Variants in ANO1 observed in about 807,000 individuals in gnomAD.
The protein encoded by ANO1 is anoctamin 1, also known as anoctamin-1.
In ANO1, 59 loss-of-function variants were observed where a neutral mutation model predicts 124.0. The observed-to-expected ratio is 0.48, with a 90% CI of 0.39 to 0.59. The LOEUF is 0.59. ANO1 is among the 20% of genes least tolerant of loss of function. The pLI, the probability that ANO1 is intolerant of heterozygous loss-of-function variation, is 0.00. For synonymous variants in ANO1, 529 were observed against 532.0 expected (o/e 0.99, Z 0.08); for missense variants, 1,059 against 1,328.0 (o/e 0.80, Z 3.15).
chr11:70,143,211 A>C (rs1401844887), intron 11 of ANO1, among the ~76,000 whole-genome samples: 1 of 152,012 alleles, frequency 6.6e-6, no homozygotes, highest in Admixed American at 6.5e-5. Flanking sequence ...CACTGGGGAG[A>C]TGGGGCTGTC....
chr11:70,133,839 G>A (rs554926955), intron 11 of ANO1, among the ~76,000 whole-genome samples: 73 of 152,332 alleles, frequency 4.8e-4, no homozygotes, highest in Non-Finnish European at 9.6e-4. Context: ...ATCAGGTGAG[G>A]TGAGGGAGGG....
chr11:70,186,251 C>T (rs1440157089), intron 25 of ANO1, among the ~76,000 whole-genome samples: 2 of 151,564 alleles, frequency 1.3e-5, no homozygotes, highest in African/African-American at 2.4e-5. Flanking sequence ...CGTGCCACTA[C>T]ACTCCAGCTT....
chr11:70,103,857 C>T, intron 3 of ANO1, 142 bp from the exon 4 acceptor site: 5 of 837,134 alleles, frequency 6.0e-6, no homozygotes, highest in Non-Finnish European at 7.1e-6. Context: ...TGGGGCGGTG[C>T]ATTCTGGCCC....
At chr11:70,097,670 G>A (rs2045056691) in intron 2 of ANO1, among the ~76,000 whole-genome samples, 1 of 152,198 alleles carries the variant, frequency 6.6e-6, no homozygotes, top group African/African-American at 2.4e-5. Context: ...TTACTGAAGT[G>A]GACACATCCA....
chr11:70,000,803 T>C (rs189208089), intron 1 of ANO1, among the ~76,000 whole-genome samples: 47 of 152,118 alleles, frequency 3.1e-4, no homozygotes, highest in African/African-American at 1.1e-3. Context: ...CACGCTCCCT[T>C]CCCACCATGT....
At chr11:70,037,976 G>A (rs1565166415) in intron 1 of ANO1, among the ~76,000 whole-genome samples, 2 of 152,194 alleles carry the variant, frequency 1.3e-5, no homozygotes, top group Non-Finnish European at 2.9e-5. Flanking sequence ...AAAGGTGAGT[G>A]AGCATGAGGA....
intron 1 of ANO1, among the ~76,000 whole-genome samples, chr11:70,007,443 AT>A (rs2120353915): frequency 6.6e-6 from 1 of 151,924 alleles, no homozygotes; most frequent in African/African-American, 2.4e-5. Context: ...CAACTGGCTA[AT>A]TTTTAGTATT....
In ANO1 at chr11:70,132,068, T is replaced by C. The variant is rs779694987; in HGVS notation, c.1247T>C (p.Met416Thr). ...NPATVFFSVFMALWAATFMEH... is the reference protein window; with the variant it reads ...NPATVFFSVFTALWAATFMEH... ...GCCACGGTCTTCTTCTCTGTCTTCA[T>C]GGCCCTCTGGGGTAAGCAGGGCTCC... The change falls in exon 11 of 26, where the codon ATG becomes ACG. Residue 416 changes from methionine to threonine, a missense_variant. By Grantham distance (81) the Met-to-Thr change is moderately conservative. This residue lies in a region of ANO1 where 809 missense variants were observed against 1,094.9 expected (regional missense o/e 0.74). Transcript: ENST00000355303. 3 of 1,594,590 alleles carry C rather than the reference T, an allele frequency of 1.9e-6. No individual in the cohort carries two copies. Among genetic ancestry groups the C allele is most frequent in the South Asian group, 1.1e-5 (1 of 88,542 alleles).
intron 1 of ANO1, among the ~76,000 whole-genome samples, chr11:69,993,852 C>T (rs889984383): frequency 2.1e-4 from 32 of 152,234 alleles, no homozygotes; most frequent in Admixed American, 2.0e-3. Flanking sequence ...GCCTCACTGG[C>T]CTTCCTATAG....
chr11:70,157,620 C>T (rs867118771), intron 16 of ANO1, among the ~76,000 whole-genome samples: 3 of 152,106 alleles, frequency 2.0e-5, no homozygotes, highest in African/African-American at 7.2e-5. Context: ...TTGAGAGACA[C>T]AATTATTTGA....
At chr11:70,158,641 C>T (rs1170837031) in intron 16 of ANO1, among the ~76,000 whole-genome samples, 6 of 152,206 alleles carry the variant, frequency 3.9e-5, no homozygotes, top group East Asian at 1.9e-4. Context: ...GAGACAGAGG[C>T]GGGGGGCTGT....
At position 70,167,246 on chromosome 11, in the gene ANO1, A is replaced by G; in HGVS notation, c.2056A>G (p.Met686Val). The G allele has an allele frequency of 6.2e-7, 1 of 1,613,958 alleles. No individual in the cohort carries two copies. The highest frequency in any genetic ancestry group is 2.2e-5 in the East Asian group (1 of 44,888). Reference protein sequence around the residue: ...NNLFEIGIPKMKKLIRYLKLK... With the variant: ...NNLFEIGIPKVKKLIRYLKLK... The stretch of plus-strand genomic sequence containing the variant: ...GCATGATGTCTCATCTCTCAGGAAG[A>G]TGAAGAAGCTCATCCGCTACCTGAA... The change falls in exon 21 of 26, where the codon ATG (methionine) becomes GTG (valine). Residue 686 changes from methionine to valine, a missense_variant. By Grantham distance (21) the Met-to-Val change is conservative (BLOSUM62 1). Coordinates refer to ENST00000355303, the MANE Select transcript of ANO1 (RefSeq NM_018043.7).
chr11:69,989,725 C>A (rs1048692034), intron 1 of ANO1, among the ~76,000 whole-genome samples: 2 of 152,092 alleles, frequency 1.3e-5, no homozygotes, highest in Non-Finnish European at 2.9e-5. Context: ...GGGGCAGAAG[C>A]CTGCTCAGAG....
intron 1 of ANO1, among the ~76,000 whole-genome samples, chr11:69,986,443 C>G (rs982511292): frequency 1.6e-4 from 24 of 152,098 alleles, no homozygotes; most frequent in African/African-American, 5.5e-4. Flanking sequence ...GCTGGGGGCG[C>G]CGCCGGGCAG....
intron 20 of ANO1, among the ~76,000 whole-genome samples, chr11:70,166,609 T>G (rs1044675903): frequency 6.6e-6 from 1 of 152,198 alleles, no homozygotes; most frequent in Non-Finnish European, 1.5e-5. Context: ...TTCCATGATC[T>G]GTGTCCTTCC....
rs550199615 is a variant in ANO1, at chr11:70,101,785, G to A, written c.442-1281G>A. 9.9e-5 allele frequency among the ~76,000 whole-genome samples: 15 copies of A among 152,144 alleles called. No individual in the cohort carries two copies. In the South Asian group the frequency reaches 1.5e-3, roughly 15 times the overall value. On this transcript the variant is annotated intron_variant, in intron 2 of 25. Transcript: ENST00000355303. ...CCGGCCGGCACTCGCTCTTCCTCCC[G>A]TCTGCCTTTTTGCCAAGACTTCCCA...
chr11:70,041,118 G>A (rs1197190120), intron 1 of ANO1, among the ~76,000 whole-genome samples: 5 of 152,130 alleles, frequency 3.3e-5, no homozygotes, highest in Admixed American at 6.5e-5. Flanking sequence ...CCCACCCCAT[G>A]TGTGACAGTA....
upstream of ANO1, among the ~76,000 whole-genome samples, chr11:70,076,637 G>A (rs2044061663): frequency 6.6e-6 from 1 of 152,212 alleles, no homozygotes; most frequent in South Asian, 2.1e-4. Context: ...AAGGAGCAGA[G>A]GCTGTGGAGC....
chr11:70,049,675 A>G (rs1443647288), intron 1 of ANO1, among the ~76,000 whole-genome samples: 1 of 151,004 alleles, frequency 6.6e-6, no homozygotes, highest in East Asian at 2.0e-4. Context: ...CTATGAATCT[A>G]CATGCGGTCT....
Sources: gnomAD v4.1 joint callset for allele counts (sites outside exome capture counted in the v4.1 genomes callset) on GRCh38, gnomAD v4.1.1 for gene constraint, gnomAD v4.1.1 regional missense constraint, MANE v1.5 for transcripts, NCBI Gene and HGNC (gene_info 2026-07-23, HGNC 2026-07-21) for gene names.